Variants in IARS1 observed in about 807,000 individuals in gnomAD.
IARS1 encodes the protein isoleucyl-tRNA synthetase 1, also known as isoleucine--tRNA ligase, cytoplasmic.
Under a neutral mutation model 168.2 loss-of-function variants are expected in IARS1, and 124 were observed. That is an observed-to-expected ratio of 0.74 (90% CI 0.64 to 0.86). The LOEUF (loss-of-function observed/expected upper bound fraction) is 0.86, where lower values mean the gene tolerates loss of function less well. Ranked by LOEUF, IARS1 falls within the 40% of genes least tolerant of loss-of-function variation. The probability of loss-of-function intolerance (pLI) is 0.00; values close to 1 mark genes in which losing one functional copy is unlikely to be tolerated. For missense variants in IARS1, 1,452 were observed against 1,515.8 expected, an observed-to-expected ratio of 0.96 and a Z score of 0.70; for synonymous variants, 532 against 529.4, an observed-to-expected ratio of 1.00 and a Z score of -0.07.
chr9:92,255,548 T>A (rs1204295711), intron 20 of IARS1, among the ~76,000 whole-genome samples: 1 of 152,236 alleles, frequency 6.6e-6, no homozygotes, highest in South Asian at 2.1e-4. Context: ...TGTTAGTTAA[T>A]AGAAATAACA....
chr9:92,219,605 A>C (rs1462869172), intron 33 of IARS1, among the ~76,000 whole-genome samples: 2 of 151,862 alleles, frequency 1.3e-5, no homozygotes, highest in Non-Finnish European at 2.9e-5. Context: ...AAAGTGGGCA[A>C]AGGACATGAA....
At chr9:92,256,837 G>A in intron 19 of IARS1, 37 bp from the exon 20 acceptor site, 2 of 1,576,072 alleles carry the variant, frequency 1.3e-6, no homozygotes, top group African/African-American at 1.4e-5. Context: ...TGGCACACTT[G>A]GGAAGAAAGT....
At position 92,288,218 on chromosome 9, in the gene IARS1, C is replaced by T. The variant is rs762510388; in HGVS notation, c.184G>A (p.Gly62Ser). 18 of 1,613,902 alleles carry T rather than the reference C, an allele frequency of 1.1e-5. No homozygotes were observed. Among genetic ancestry groups the T allele is most frequent in the Non-Finnish European group, 1.4e-5 (16 of 1,179,876 alleles). Residue 62 changes from glycine to serine, a missense_variant, in exon 3 of 34, where the codon GGT becomes AGT. By Grantham distance (56) the Gly-to-Ser change is moderately conservative (BLOSUM62 0). Transcript: ENST00000443024. ...CTTGTAACTATATCTTTAATTGTAC[C>T]CGCAAGTATATGTCCATAGTGAGGC... ...GLPHYGHILA[G>S]TIKDIVTRYA...
In IARS1 at chr9:92,264,929, C is replaced by A; in HGVS notation, c.1700G>T (p.Trp567Leu). 6.2e-7 allele frequency: 1 copy of A among 1,609,662 alleles called. No individual in the cohort carries two copies. Among genetic ancestry groups the A allele is most frequent in the Non-Finnish European group, 8.5e-7 (1 of 1,178,060 alleles). ...GTGATGAAAGAACAAGGAGGCATACCATCCTCTGGTTTGGTCGATGCCCTC... is the reference window on the plus strand; with the variant it reads ...GTGATGAAAGAACAAGGAGGCATACAATCCTCTGGTTTGGTCGATGCCCTC... ...IAEGIDQTRGWFYTLLVLATA... is the reference protein window; with the variant it reads ...IAEGIDQTRGLFYTLLVLATA... The change falls in exon 16 of 34, where the codon TGG becomes TTG. Residue 567 changes from tryptophan to leucine, a missense_variant and splice_region_variant. Transcript: ENST00000443024.
chr9:92,285,661 T>C (rs1256608545), intron 6 of IARS1, 61 bp downstream of exon 6: 2 of 1,036,812 alleles, frequency 1.9e-6, no homozygotes, highest in African/African-American at 1.6e-5. Context: ...ACTGTGATCA[T>C]AACTACTCAG....
rs1054928759 is a variant in IARS1 at position 92,232,436 on chromosome 9, A to G, written c.3284-3310T>C. Among the ~76,000 whole-genome samples the G allele has an allele frequency of 4.1e-4, 62 of 152,220 alleles. 1 individual carries two copies. Among genetic ancestry groups the G allele is most frequent in the Admixed American group, 4.1e-3 (62 of 15,278 alleles). On this transcript the variant is annotated intron_variant, in intron 30 of 33. Transcript: ENST00000443024. ...GAGAAATGATTCTGTATGTGAGGAAAAGACATGGTTTTGGTAAGGTGAAGC... is the reference window on the plus strand; with the variant it reads ...GAGAAATGATTCTGTATGTGAGGAAGAGACATGGTTTTGGTAAGGTGAAGC...
intron 1 of IARS1, among the ~76,000 whole-genome samples, chr9:92,291,662 AT>A (rs2134020424): frequency 6.6e-6 from 1 of 152,332 alleles, no homozygotes; most frequent in South Asian, 2.1e-4. Flanking sequence ...GTGTTTGTGC[AT>A]TTACTGATTT....
intron 9 of IARS1, 78 bp from the exon 10 acceptor site, chr9:92,274,599 A>C: frequency 3.0e-6 from 3 of 994,010 alleles, no homozygotes; most frequent in South Asian, 2.8e-5. Flanking sequence ...GTTTTTCCTA[A>C]GAACCTGAAA....
intron 30 of IARS1, among the ~76,000 whole-genome samples, chr9:92,230,648 C>T (rs1325642933): frequency 3.9e-5 from 6 of 152,108 alleles, no homozygotes; most frequent in African/African-American, 9.7e-5. Flanking sequence ...AGTGCAACTG[C>T]GAGTCATTAT....
intron 5 of IARS1, among the ~76,000 whole-genome samples, 180 bp downstream of exon 5, chr9:92,286,356 G>C (rs1185499338): frequency 2.6e-5 from 4 of 152,122 alleles, no homozygotes; most frequent in East Asian, 1.9e-4. Flanking sequence ...AACTGAGCGA[G>C]ACTCAGTCTC....
intron 33 of IARS1, among the ~76,000 whole-genome samples, chr9:92,213,058 C>T (rs1197155056): frequency 6.6e-6 from 1 of 151,556 alleles, no homozygotes; most frequent in Non-Finnish European, 1.5e-5. Context: ...AAGGAGGAAC[C>T]CAAGAAGAAA....
Position 92,264,772 on chromosome 9 carries a change from C to T in IARS1, c.1700+157G>A, listed in dbSNP as rs534005767. ...CCTACTCAAAAGGCACTTTAATGTCCGTGCTTGGTGGTGGAGGGGAGAGGG... is the reference window on the plus strand; with the variant it reads ...CCTACTCAAAAGGCACTTTAATGTCTGTGCTTGGTGGTGGAGGGGAGAGGG... On this transcript the variant is annotated intron_variant, in intron 16 of 33. Transcript: ENST00000443024. 3.9e-5 allele frequency among the ~76,000 whole-genome samples: 6 copies of T among 152,228 alleles called. No homozygotes were observed. The South Asian group carries it at 6.2e-4, about 16-fold the overall frequency.
chr9:92,259,153 C>G (rs1831169158), intron 18 of IARS1, among the ~76,000 whole-genome samples, 155 bp from the exon 19 acceptor site: 1 of 152,156 alleles, frequency 6.6e-6, no homozygotes, highest in African/African-American at 2.4e-5. Context: ...TTAAAACTCA[C>G]AAAACTCACT....
chr9:92,291,135 C>T (rs1836258416), intron 1 of IARS1, among the ~76,000 whole-genome samples: 1 of 151,986 alleles, frequency 6.6e-6, no homozygotes, highest in Admixed American at 6.6e-5. Flanking sequence ...TCTAGTGAGC[C>T]ACCCTTGAGA....
intron 31 of IARS1, among the ~76,000 whole-genome samples, chr9:92,224,756 C>T (rs1286645462): frequency 2.0e-5 from 3 of 151,996 alleles, no homozygotes; most frequent in Non-Finnish European, 4.4e-5. Context: ...TTGCTTGAGC[C>T]CAGAAGTTTG....
chr9:92,276,883 T>C (rs926835178), intron 9 of IARS1, among the ~76,000 whole-genome samples: 5 of 152,076 alleles, frequency 3.3e-5, no homozygotes, highest in African/African-American at 4.8e-5. Flanking sequence ...TGTCAGAAAA[T>C]AAAACCACAT....
chr9:92,263,042 G>A lies in IARS1; in HGVS notation c.1714C>T (p.Leu572=). 6.2e-7 allele frequency: 1 copy of A among 1,613,544 alleles called. No homozygotes were observed. The highest frequency in any genetic ancestry group is 8.5e-7 in the Non-Finnish European group (1 of 1,179,544). Residue 572 remains leucine, a synonymous_variant, in exon 17 of 34, where the codon CTG becomes TTG. Coordinates refer to ENST00000443024, the MANE Select transcript of IARS1 (RefSeq NM_002161.6). The part of the protein sequence containing the change: ...DQTRGWFYTL[L]VLATALFGQP... ...CCAAAGAGGGCCGTGGCCAGCACCAGCAGGGTATAAAACCTGAAAAAAAAC... is the reference window on the plus strand; with the variant it reads ...CCAAAGAGGGCCGTGGCCAGCACCAACAGGGTATAAAACCTGAAAAAAAAC...
In IARS1 at chr9:92,223,497, T is replaced by G; in HGVS notation, c.3410-8A>C. 6.2e-7 allele frequency: 1 copy of G among 1,605,994 alleles called. No homozygotes were observed. Among genetic ancestry groups the G allele is most frequent in the East Asian group, 2.2e-5 (1 of 44,796 alleles). Reference sequence around the variant, plus strand: ...CAGTTTGGTTTTGTATTTCTAAAAATAACAACAACAATTCTTTCAGGGTTA... The same window carrying G: ...CAGTTTGGTTTTGTATTTCTAAAAAGAACAACAACAATTCTTTCAGGGTTA... On this transcript the variant is annotated splice_region_variant and splice_polypyrimidine_tract_variant and intron_variant, in intron 31 of 33. Coordinates refer to ENST00000443024, the MANE Select transcript of IARS1 (RefSeq NM_002161.6).
chr9:92,240,551 T>C (rs1828227216), intron 30 of IARS1: 1 of 637,762 alleles, frequency 1.6e-6, no homozygotes. Context: ...TGAGCTACCA[T>C]GCCTGGCCCT....
Sources: allele counts gnomAD v4.1 joint callset (sites outside exome capture counted in the v4.1 genomes callset), GRCh38; gene constraint gnomAD v4.1.1; transcripts MANE v1.5; gene names NCBI Gene and HGNC (gene_info 2026-07-23, HGNC 2026-07-21).